Variants in ZEB2 observed in about 807,000 individuals in gnomAD.
ZEB2 encodes the protein zinc finger E-box binding homeobox 2.
Under a neutral mutation model 99.9 loss-of-function variants are expected in ZEB2, and 6 were observed. That is an observed-to-expected ratio of 0.06 (90% confidence interval 0.03 to 0.12). ZEB2 has a LOEUF of 0.12. Ranked by LOEUF, ZEB2 falls within the 10% of genes least tolerant of loss-of-function variation. The pLI, the probability that ZEB2 is intolerant of heterozygous loss-of-function variation, is 1.00. For synonymous variants in ZEB2, 517 were observed against 542.5 expected (o/e 0.95, Z 0.65); for missense variants, 969 against 1,502.8 (o/e 0.64, Z 5.87).
chr2:144,438,718 G>T (rs1277196450), intron 2 of ZEB2, among the ~76,000 whole-genome samples: 1 of 152,092 alleles, frequency 6.6e-6, no homozygotes, highest in African/African-American at 2.4e-5. Context: ...CCTGAGAAAG[G>T]CATGTAAAGT....
chr2:144,509,754 G>A (rs985450446), intron 2 of ZEB2, among the ~76,000 whole-genome samples: 3 of 152,132 alleles, frequency 2.0e-5, no homozygotes, highest in Non-Finnish European at 2.9e-5. Flanking sequence ...AGATAATGTC[G>A]CTGAAAAGTT....
At chr2:144,429,714 T>A (rs1274779333) in intron 3 of ZEB2, 55 bp downstream of exon 3, 36 of 1,613,080 alleles carry the variant, frequency 2.2e-5, no homozygotes, top group Non-Finnish European at 3.1e-5. Context: ...TGGAACAGAT[T>A]AGTTGAAGAT....
intron 4 of ZEB2, among the ~76,000 whole-genome samples, chr2:144,409,767 T>C (rs1703433594): frequency 6.6e-6 from 1 of 152,110 alleles, no homozygotes; most frequent in African/African-American, 2.4e-5. Flanking sequence ...TGCGTGCCTG[T>C]GGTCCCTGCT....
chr2:144,427,017 T>A (rs529764201), intron 3 of ZEB2: 1 of 152,300 alleles, frequency 6.6e-6, no homozygotes, highest in South Asian at 2.1e-4. Flanking sequence ...ACCTTAAACA[T>A]TCTCTAAGAC....
At chr2:144,457,931 T>G (rs866160902) in intron 2 of ZEB2, among the ~76,000 whole-genome samples, 1 of 152,158 alleles carries the variant, frequency 6.6e-6, no homozygotes, top group Non-Finnish European at 1.5e-5. Context: ...AGGTTAGGTA[T>G]TCAATTAAAA....
chr2:144,399,883 G>T lies in ZEB2; in HGVS notation c.1304C>A (p.Pro435Gln). The T allele has an allele frequency of 6.2e-7, 1 of 1,614,166 alleles. No homozygotes were observed. Among genetic ancestry groups the T allele is most frequent in the Non-Finnish European group, 8.5e-7 (1 of 1,180,026 alleles). ...PLGVHPSAQS[P>Q]MQHLGVGMEA... ...CATCCCTACACCTAAGTGCTGCATT[G>T]GACTCTGAGCAGATGGATGAACTCC... The change falls in exon 8 of 10, where the codon CCA becomes CAA. Residue 435 changes from proline (P) to glutamine (Q), a missense_variant. Physicochemically the swap from Pro to Gln is moderately conservative, Grantham distance 76. This residue lies in a region of ZEB2 where 227 missense variants were observed against 278.2 expected (regional missense o/e 0.82). Coordinates refer to ENST00000627532, the MANE Select transcript of ZEB2 (RefSeq NM_014795.4). The surrounding 1 kb of genome is among the most constrained non-coding windows in gnomAD (Gnocchi z 5.6).
rs1157389006 is a variant in ZEB2, at chr2:144,386,449, CTGA to C, written c.*2999_*3001del. 6.6e-6 allele frequency: 1 copy of C among 151,984 alleles called. No individual in the cohort carries two copies. Among genetic ancestry groups the C allele is most frequent in the African/African-American group, 2.4e-5 (1 of 41,346 alleles). 9.4% of individuals were successfully genotyped at this position (151,984 alleles called of 1,614,324 possible). A position where few individuals can be genotyped will look rare whatever the true frequency, so the allele number is the denominator to read the frequency against. On this transcript the variant is annotated 3_prime_UTR_variant, in exon 10 of 10. Coordinates refer to ENST00000627532, the MANE Select transcript of ZEB2 (RefSeq NM_014795.4). ...ATTGTCACAATTCACAAGTGTTATC[CTGA>C]TATTTTCAGACTCAGGTATTCTGAG...
chr2:144,440,503 ATATATATATATATTTTTTT>A (rs1267633729), intron 2 of ZEB2, among the ~76,000 whole-genome samples: 5 of 39,074 alleles, frequency 1.3e-4, no homozygotes, highest in African/African-American at 5.1e-4. Context: ...ATATATATAT[ATATATATATATATTTTTTT>A]TTTTTTTTTT....
chr2:144,497,886 T>TA (rs1560650514), intron 2 of ZEB2: 23 of 52,124 alleles, frequency 4.4e-4, no homozygotes, highest in African/African-American at 1.8e-3. Flanking sequence ...TCTCAACATA[T>TA]ATATATATGT....
chr2:144,400,386 C>A (rs371210998), intron 7 of ZEB2, 116 bp from the exon 8 acceptor site: 1 of 1,089,972 alleles, frequency 9.2e-7, no homozygotes, highest in East Asian at 2.5e-5. Context: ...GGTACCTCTA[C>A]ATTCTAGGTA....
At chr2:144,464,483 C>T (rs1704243933) in intron 2 of ZEB2, 1 of 152,162 alleles carries the variant, frequency 6.6e-6, no homozygotes, top group Non-Finnish European at 1.5e-5. Flanking sequence ...CTGGGCTTTA[C>T]AGGTATTATA....
Position 144,389,037 on chromosome 2 carries a change from C to T in ZEB2, c.*414G>A. The stretch of plus-strand genomic sequence containing the variant: ...AGCACATTAAATTAAAAAGGAATAA[C>T]AATAATAATAATAAAAATACTGATG... On this transcript the variant is annotated 3_prime_UTR_variant, in exon 10 of 10. Coordinates refer to ENST00000627532, the MANE Select transcript of ZEB2 (RefSeq NM_014795.4). This position sits in a 1 kb window ranked among gnomAD's most constrained non-coding sequence, Gnocchi z 6.8. 2.4e-6 allele frequency: 1 copy of T among 411,908 alleles called. No individual in the cohort carries two copies. The highest frequency in any genetic ancestry group is 2.6e-5 in the South Asian group (1 of 38,148). 25.5% of individuals were successfully genotyped at this position (411,908 alleles called of 1,614,324 possible). A position where few individuals can be genotyped will look rare whatever the true frequency, so the allele number is the denominator to read the frequency against.
At chr2:144,432,869 A>C (rs1262975472) in intron 2 of ZEB2, among the ~76,000 whole-genome samples, 1 of 152,176 alleles carries the variant, frequency 6.6e-6, no homozygotes, top group East Asian at 1.9e-4. Context: ...ACCAACGTAT[A>C]CTGGTTTTAA....
chr2:144,507,222 A>C (rs1704962646), intron 2 of ZEB2, among the ~76,000 whole-genome samples: 1 of 152,354 alleles, frequency 6.6e-6, no homozygotes, highest in Admixed American at 6.5e-5. Flanking sequence ...GTGTGGGTTT[A>C]AGATGAAATC....
intron 2 of ZEB2, among the ~76,000 whole-genome samples, chr2:144,476,146 T>TTA (rs900222932): frequency 6.6e-6 from 1 of 152,208 alleles, no homozygotes; most frequent in Non-Finnish European, 1.5e-5. Context: ...TTTCTACTAC[T>TTA]TATCTTTTTT....
At chr2:144,446,240 C>T (rs548656278) in intron 2 of ZEB2, among the ~76,000 whole-genome samples, 5 of 152,176 alleles carry the variant, frequency 3.3e-5, no homozygotes, top group South Asian at 2.1e-4. Context: ...CATGCACCAT[C>T]GTCTACTTCC....
chr2:144,418,657 C>T (rs1703575987), intron 4 of ZEB2, among the ~76,000 whole-genome samples: 1 of 151,606 alleles, frequency 6.6e-6, no homozygotes, highest in South Asian at 2.1e-4. Context: ...CATTGCACTC[C>T]AGCCCGGGCA....
intron 2 of ZEB2, among the ~76,000 whole-genome samples, chr2:144,459,147 G>A (rs182653539): frequency 6.4e-4 from 98 of 152,196 alleles, no homozygotes; most frequent in Middle Eastern, 3.4e-3. Flanking sequence ...ACCCACGTCA[G>A]CCCAAGCTTT....
chr2:144,420,038 C>G (rs1703599176), intron 4 of ZEB2, among the ~76,000 whole-genome samples: 1 of 152,154 alleles, frequency 6.6e-6, no homozygotes, highest in African/African-American at 2.4e-5. Flanking sequence ...ATGTTTTCCC[C>G]TACTGTGGCT....
Sources: allele counts gnomAD v4.1 joint callset (sites outside exome capture counted in the v4.1 genomes callset), GRCh38; gene constraint gnomAD v4.1.1; regional missense constraint gnomAD v4.1.1; non-coding constraint Gnocchi (gnomAD v3.1); transcripts MANE v1.5; gene names NCBI Gene and HGNC (gene_info 2026-07-23, HGNC 2026-07-21).